Variants in CIB3 observed in about 807,000 individuals in gnomAD.
CIB3 encodes calcium and integrin-binding family member 3.
CIB3 carries 22 observed loss-of-function variants against 23.4 expected under a neutral mutation model. The ratio of observed to expected loss-of-function variants is 0.94; its 90% confidence interval spans 0.67 to 1.34. The LOEUF (loss-of-function observed/expected upper bound fraction) is 1.34. CIB3 is among the 40% of genes most tolerant of loss of function. The pLI, the probability that CIB3 is intolerant of heterozygous loss-of-function variation, is 0.00. For missense variants in CIB3, 258 were observed against 247.3 expected, an observed-to-expected ratio of 1.04 and a Z score of -0.29; for synonymous variants, 93 against 95.8, an observed-to-expected ratio of 0.97 and a Z score of 0.17.
In CIB3 at chr19:16,164,900, G is replaced by A. The variant is rs368727997; in HGVS notation, c.360C>T (p.Asp120=). 4.6e-5 allele frequency: 74 copies of A among 1,613,888 alleles called. No individual in the cohort carries two copies. The highest frequency in any genetic ancestry group is 4.2e-5 in the Non-Finnish European group (50 of 1,179,974). ...YAFKIYDFNN[D]DYICAWDLEQ... ...CCAGGTCCCACGCACAAATGTAGTC[G>A]TCGTTGTTAAAATCTGCAGAGCAGG... Residue 120 remains aspartate (D), a synonymous_variant, in exon 5 of 6, where the codon GAC becomes GAT. Coordinates refer to ENST00000269878, the MANE Select transcript of CIB3 (RefSeq NM_054113.4).
intron 2 of CIB3, among the ~76,000 whole-genome samples, chr19:16,170,700 T>C (rs943821285): frequency 6.6e-6 from 1 of 151,786 alleles, no homozygotes; most frequent in Non-Finnish European, 1.5e-5. Context: ...CGGGCACCTG[T>C]AATCCCAACT....
chr19:16,173,490 C>A lies in CIB3; in HGVS notation c.-15G>T, dbSNP rs773545355. 7 of 1,613,286 alleles carry A rather than the reference C, an allele frequency of 4.3e-6. No homozygotes were observed. The Admixed American group carries it at 5.0e-5, about 12-fold the overall frequency. On this transcript the variant is annotated 5_prime_UTR_variant, in exon 1 of 6. Transcript: ENST00000269878. The stretch of plus-strand genomic sequence containing the variant: ...TTGTTGCCCATGGTGTGAACCACAG[C>A]CCAGACTTGGGGATGCACCCCAAAG...
intron 3 of CIB3, 86 bp downstream of exon 3, chr19:16,169,544 G>C: frequency 8.4e-7 from 1 of 1,188,000 alleles, no homozygotes. Flanking sequence ...TTAAAATGGG[G>C]ATAACTGCAG....
rs2091339505 is a variant in CIB3, at chr19:16,173,516, G to T, written c.-41C>A. ...CCAGACTTGGGGATGCACCCCAAAGGCTCCCAGCTTCCTCGGGGCCACACG... is the reference window on the plus strand; with the variant it reads ...CCAGACTTGGGGATGCACCCCAAAGTCTCCCAGCTTCCTCGGGGCCACACG... On this transcript the variant is annotated 5_prime_UTR_variant, in exon 1 of 6. Coordinates refer to ENST00000269878, the MANE Select transcript of CIB3 (RefSeq NM_054113.4). 5.7e-6 allele frequency: 9 copies of T among 1,577,618 alleles called. No homozygotes were observed. Among genetic ancestry groups the T allele is most frequent in the South Asian group, 1.1e-5 (1 of 90,338 alleles).
chr19:16,169,630 C>G lies in CIB3; in HGVS notation c.198G>C (p.Lys66Asn). 1.2e-6 allele frequency: 2 copies of G among 1,612,648 alleles called. No homozygotes were observed. Among genetic ancestry groups the G allele is most frequent in the Non-Finnish European group, 1.7e-6 (2 of 1,179,156 alleles). The change falls in exon 3 of 6, where the codon AAG (lysine) becomes AAC (asparagine). Residue 66 changes from lysine (K) to asparagine (N), a missense_variant and splice_region_variant. Transcript: ENST00000269878. ...YELIGSMPEL[K>N]DNPFRQRIAQ... ...TGTTTGTCCCATGGCCTGGGCATAC[C>G]TTCAGCTCGGGCATGCTGCCAATGA...
At chr19:16,171,313 C>G (rs1395800678) in intron 2 of CIB3, among the ~76,000 whole-genome samples, 1 of 152,066 alleles carries the variant, frequency 6.6e-6, no homozygotes, top group Non-Finnish European at 1.5e-5. Context: ...CACACACTAT[C>G]CAGATTATAA....
Position 16,161,376 on chromosome 19 carries a change from A to T in CIB3, c.*89T>A. 1 of 1,333,086 alleles carries T rather than the reference A, an allele frequency of 7.5e-7. No individual in the cohort carries two copies. The highest frequency in any genetic ancestry group is 1.1e-6 in the Non-Finnish European group (1 of 924,010). 82.6% of individuals were successfully genotyped at this position (1,333,086 alleles called of 1,614,324 possible). ...TGTGTCCTCCCAGCAGGTGTGACTC[A>T]GTGACTTGTGTTTATTCTCAGAAAC... On this transcript the variant is annotated 3_prime_UTR_variant, in exon 6 of 6. Transcript: ENST00000269878.
intron 4 of CIB3, among the ~76,000 whole-genome samples, chr19:16,166,989 G>A (rs2091308435): frequency 6.6e-6 from 1 of 152,200 alleles, no homozygotes; most frequent in African/African-American, 2.4e-5. Context: ...GCTGAGGCGG[G>A]TGGATCACCT....
intron 2 of CIB3, among the ~76,000 whole-genome samples, chr19:16,171,438 G>C (rs2091327820): frequency 6.6e-6 from 1 of 152,106 alleles, no homozygotes. Flanking sequence ...CAAGCTGCTA[G>C]GGACTGTCTC....
Position 16,170,732 on chromosome 19 carries a change from G to C in CIB3, c.87-991C>G, listed in dbSNP as rs1360231035. Among the ~76,000 whole-genome samples, 5 of 151,910 alleles carry C rather than the reference G, an allele frequency of 3.3e-5. No homozygotes were observed. In the East Asian group the frequency reaches 9.7e-4, roughly 29 times the overall value. On this transcript the variant is annotated intron_variant, in intron 2 of 5. Transcript: ENST00000269878. ...AACTACTCGGGAGGCCGAGGCAGGA[G>C]AATCACTTGAACCTGGGAGCTGGAG...
intron 5 of CIB3, among the ~76,000 whole-genome samples, chr19:16,162,369 T>C (rs1380056778): frequency 6.6e-6 from 1 of 151,240 alleles, no homozygotes; most frequent in African/African-American, 2.4e-5. Context: ...GAGGCTGCAG[T>C]GAGCTATGAT....
intron 1 of CIB3, 111 bp downstream of exon 1, chr19:16,173,314 C>T: frequency 6.4e-7 from 1 of 1,565,268 alleles, no homozygotes; most frequent in Non-Finnish European, 8.8e-7. Flanking sequence ...CAGAGCAGAA[C>T]CAGGAACCCA....
rs2091299457 is a variant in CIB3, at chr19:16,164,884, A to T, written c.376T>A (p.Trp126Arg). ...DFNNDDYICAWDLEQTVTKLT... is the reference protein window; with the variant it reads ...DFNNDDYICARDLEQTVTKLT... ...TTGGTCACCGTCTGCTCCAGGTCCCACGCACAAATGTAGTCGTCGTTGTTA... is the reference window on the plus strand; with the variant it reads ...TTGGTCACCGTCTGCTCCAGGTCCCTCGCACAAATGTAGTCGTCGTTGTTA... Residue 126 changes from tryptophan to arginine, a missense_variant, in exon 5 of 6, where the codon TGG becomes AGG. Trp to Arg is a moderately radical substitution (Grantham distance 101). Transcript: ENST00000269878. 1.2e-6 allele frequency: 2 copies of T among 1,614,086 alleles called. No homozygotes were observed. Among genetic ancestry groups the T allele is most frequent in the Non-Finnish European group, 1.7e-6 (2 of 1,180,020 alleles).
intron 5 of CIB3, among the ~76,000 whole-genome samples, 195 bp downstream of exon 5, chr19:16,164,523 G>A (rs187812543): frequency 9.9e-5 from 15 of 152,226 alleles, no homozygotes; most frequent in African/African-American, 2.9e-4. Flanking sequence ...GTATCCACTC[G>A]CAAGAGGTGC....
At chr19:16,170,525 T>C (rs1405948969) in intron 2 of CIB3, among the ~76,000 whole-genome samples, 1 of 152,130 alleles carries the variant, frequency 6.6e-6, no homozygotes, top group Non-Finnish European at 1.5e-5. Context: ...CCTCTCCTTA[T>C]AATGGGAGGA....
chr19:16,167,805 C>G (rs1485027244), intron 4 of CIB3, among the ~76,000 whole-genome samples: 1 of 151,916 alleles, frequency 6.6e-6, no homozygotes, highest in East Asian at 1.9e-4. Context: ...GCACTCTAGC[C>G]TGGGCAAAAA....
intron 2 of CIB3, among the ~76,000 whole-genome samples, chr19:16,172,652 A>G (rs1205486897): frequency 1.3e-5 from 2 of 152,036 alleles, no homozygotes; most frequent in East Asian, 1.9e-4. Context: ...TTGAGTCCCA[A>G]CAAATTGGAA....
chr19:16,164,786 T>G lies in CIB3; in HGVS notation c.474A>C (p.Gly158=), dbSNP rs151195189. The G allele has an allele frequency of 1.2e-5, 20 of 1,614,040 alleles. No individual in the cohort carries two copies. The African/African-American group carries it at 2.1e-4, about 17-fold the overall frequency. Residue 158 remains glycine, a synonymous_variant, in exon 5 of 6, where the codon GGA becomes GGC. Transcript: ENST00000269878. ...VCEKVLDEAD[G]DHDGRLSLED... ...CCAGGGACAGCCGCCCATCATGGTC[T>G]CCATCAGCCTCATCCAGCACCTTCT...
chr19:16,170,539 G>A (rs1368482149), intron 2 of CIB3, among the ~76,000 whole-genome samples: 4 of 152,224 alleles, frequency 2.6e-5, no homozygotes, highest in Non-Finnish European at 4.4e-5. Flanking sequence ...GGGAGGAAGA[G>A]GCCGGATGCA....
Sources: allele counts gnomAD v4.1 joint callset (sites outside exome capture counted in the v4.1 genomes callset), GRCh38; gene constraint gnomAD v4.1.1; transcripts MANE v1.5; gene names NCBI Gene and HGNC (gene_info 2026-07-23, HGNC 2026-07-21).